The following ABAT variants were observed in gnomAD, a reference collection of about 807,000 sequenced individuals.
ABAT encodes 4-aminobutyrate aminotransferase, also known as 4-aminobutyrate aminotransferase, mitochondrial.
A neutral mutation model predicts 64.6 loss-of-function variants in ABAT; 45 were observed. The ratio of observed to expected loss-of-function variants is 0.70; its 90% CI spans 0.55 to 0.89. ABAT has a LOEUF of 0.89. ABAT is among the 40% of genes least tolerant of loss of function. The pLI is 0.00. For missense variants in ABAT, 633 were observed against 658.4 expected (o/e 0.96, Z 0.42); for synonymous variants, 297 against 250.5 (o/e 1.19, Z -1.75).
chr16:8,720,337 C>T (rs1034744583), intron 1 of ABAT, among the ~76,000 whole-genome samples: 3 of 152,342 alleles, frequency 2.0e-5, no homozygotes, highest in Non-Finnish European at 2.9e-5. Context: ...ACTTTAGACC[C>T]AATTTCTGGC....
chr16:8,770,126 A>G (rs553977281), intron 11 of ABAT, among the ~76,000 whole-genome samples: 18 of 152,030 alleles, frequency 1.2e-4, no homozygotes, highest in Admixed American at 3.3e-4. Flanking sequence ...AAGGAGTCAC[A>G]TTTGCTTTGT....
intron 2 of ABAT, chr16:8,736,042 G>T: frequency 1.9e-6 from 1 of 524,538 alleles, no homozygotes; most frequent in Non-Finnish European, 3.5e-6. Flanking sequence ...GGCTGGGGAG[G>T]CCTCACAATC....
chr16:8,762,146 G>C (rs1006816594), intron 6 of ABAT, among the ~76,000 whole-genome samples: 1 of 152,148 alleles, frequency 6.6e-6, no homozygotes, highest in African/African-American at 2.4e-5. Flanking sequence ...TTATAGGCGT[G>C]AGCCACTGTG....
chr16:8,749,764 G>C (rs1211165139), intron 4 of ABAT, among the ~76,000 whole-genome samples: 1 of 151,628 alleles, frequency 6.6e-6, no homozygotes, highest in Non-Finnish European at 1.5e-5. Context: ...CCCCAGGTTG[G>C]AGTGTAGTGG....
rs543067946 is a variant in ABAT at position 8,713,892 on chromosome 16, C to G, written c.-41-21807C>G. On this transcript the variant is annotated intron_variant, in intron 1 of 15. Transcript: ENST00000268251. ...TGAGTGCAAATGTGTATGTGTGTCT[C>G]TGTGTGCATCCTTACATGTGTATGT... 6.6e-6 allele frequency: 3 copies of G among 456,108 alleles called. No homozygotes were observed. The Admixed American group carries it at 7.0e-5, about 11-fold the overall frequency. The allele number at this position is 456,108 out of a possible 1,614,324, so 28.3% of individuals were successfully genotyped here.
At chr16:8,768,089 G>T (rs571211679) in intron 9 of ABAT, 104 bp from the exon 10 acceptor site, 1 of 1,263,542 alleles carries the variant, frequency 7.9e-7, no homozygotes, top group South Asian at 1.2e-5. Flanking sequence ...AAGGATTCCT[G>T]GTTCTTCTGA....
At chr16:8,767,923 G>A (rs906242814) in intron 9 of ABAT, among the ~76,000 whole-genome samples, 2 of 151,912 alleles carry the variant, frequency 1.3e-5, no homozygotes, top group African/African-American at 4.8e-5. Flanking sequence ...TGATCCGCCT[G>A]CCTCAGCCTT....
At chr16:8,752,502 T>C (rs77271506) in intron 5 of ABAT, among the ~76,000 whole-genome samples, 3,952 of 152,310 alleles carry the variant, frequency 0.026, 161 homozygotes, top group African/African-American at 0.089. Flanking sequence ...AGCACGCTGA[T>C]AATCCCAGCA....
chr16:8,683,677 G>C (rs895077537), intron 1 of ABAT: 1 of 152,146 alleles, frequency 6.6e-6, no homozygotes, highest in Admixed American at 6.6e-5. Context: ...GGAGAAAGGG[G>C]AGATGACTTG....
intron 6 of ABAT, among the ~76,000 whole-genome samples, chr16:8,761,574 G>T (rs917466027): frequency 6.6e-6 from 1 of 152,242 alleles, no homozygotes; most frequent in Non-Finnish European, 1.5e-5. Flanking sequence ...TCTGGGTTGG[G>T]TTGTTCTGCA....
Position 8,735,287 on chromosome 16 carries a change from T to G in ABAT, c.-41-412T>G, listed in dbSNP as rs909187859. 3.5e-4 allele frequency among the ~76,000 whole-genome samples: 53 copies of G among 152,176 alleles called. No individual in the cohort carries two copies. The Middle Eastern group carries it at 0.014, about 39-fold the overall frequency. ...TTTTTTTTGAGACAGGGTATCACTT[T>G]GTCACCCAGGCTGGAGAGCAGTGGC... On this transcript the variant is annotated intron_variant, in intron 1 of 15. Coordinates refer to ENST00000268251, the MANE Select transcript of ABAT (RefSeq NM_020686.6).
chr16:8,742,465 G>A (rs1042476396), intron 2 of ABAT, among the ~76,000 whole-genome samples: 3 of 152,114 alleles, frequency 2.0e-5, no homozygotes, highest in African/African-American at 7.2e-5. Context: ...GATCTGCACT[G>A]GTGAAGAGCT....
chr16:8,783,081 T>A lies in ABAT; in HGVS notation c.*1651T>A, dbSNP rs1301355065. 6.6e-6 allele frequency: 1 copy of A among 152,188 alleles called. No homozygotes were observed. Among genetic ancestry groups the A allele is most frequent in the Non-Finnish European group, 1.5e-5 (1 of 68,044 alleles). The allele number at this position is 152,188 out of a possible 1,614,324, so 9.4% of individuals were successfully genotyped here. A position where few individuals can be genotyped will look rare whatever the true frequency, so the allele number is the denominator to read the frequency against. ...CCTGCAGTCAGTGCTAATCCGTCGT[T>A]CTTAATCAGGAGTTCTGCCAGGTTT... On this transcript the variant is annotated 3_prime_UTR_variant, in exon 16 of 16. Transcript: ENST00000268251.
intron 1 of ABAT, among the ~76,000 whole-genome samples, chr16:8,711,642 G>A (rs79697713): frequency 5.4e-5 from 8 of 147,578 alleles, no homozygotes; most frequent in Admixed American, 1.4e-4. Flanking sequence ...TGTGGAAACC[G>A]TGAGTGTCCA....
Position 8,774,930 on chromosome 16 carries a change from G to C in ABAT, c.995G>C (p.Gly332Ala). 6.2e-7 allele frequency: 1 copy of C among 1,614,164 alleles called. No homozygotes were observed. The highest frequency in any genetic ancestry group is 1.1e-5 in the South Asian group (1 of 91,076). The change falls in exon 13 of 16, where the codon GGA becomes GCA. Residue 332 changes from glycine (G) to alanine (A), a missense_variant. Transcript: ENST00000268251. ...TTGGTGGACGAGGTCCAGACCGGAG[G>C]AGGCTGCACGGGCAAGTTCTGGGCC... ...AFLVDEVQTG[G>A]GCTGKFWAHE... is the part of the protein sequence containing the mutation.
At chr16:8,745,109 A>G (rs746522107) in intron 2 of ABAT, among the ~76,000 whole-genome samples, 4 of 152,020 alleles carry the variant, frequency 2.6e-5, no homozygotes, top group Non-Finnish European at 4.4e-5. Context: ...CAGCCTCCCA[A>G]GTAGCTGGAA....
At chr16:8,739,702 G>A (rs894570826) in intron 2 of ABAT, among the ~76,000 whole-genome samples, 3 of 152,008 alleles carry the variant, frequency 2.0e-5, no homozygotes, top group African/African-American at 7.3e-5. Flanking sequence ...AGTAAGGTGG[G>A]AAGTGTCCTA....
intron 11 of ABAT, among the ~76,000 whole-genome samples, chr16:8,771,023 C>T (rs13339115): frequency 0.097 from 14,716 of 152,088 alleles, 1,182 homozygotes; most frequent in African/African-American, 0.22. Context: ...AAACCGGGCG[C>T]GGTGGCTCAT....
intron 1 of ABAT, among the ~76,000 whole-genome samples, chr16:8,717,861 C>T (rs769857715): frequency 2.6e-5 from 4 of 151,900 alleles, no homozygotes; most frequent in Non-Finnish European, 5.9e-5. Flanking sequence ...CGCTCTGTCA[C>T]CCAGGCTGAT....
Sources: allele counts gnomAD v4.1 joint callset (sites outside exome capture counted in the v4.1 genomes callset), GRCh38; gene constraint gnomAD v4.1.1; transcripts MANE v1.5; gene names NCBI Gene and HGNC (gene_info 2026-07-23, HGNC 2026-07-21).